Variants in DAB1 observed in about 807,000 individuals in gnomAD.
DAB1 encodes disabled homolog 1.
Under a neutral mutation model 64.6 loss-of-function variants are expected in DAB1, and 15 were observed. That is an observed-to-expected ratio of 0.23 (90% CI 0.16 to 0.36). The LOEUF is 0.36. Among genes scored for constraint, DAB1 ranks in the 10% least tolerant of loss-of-function variants. The pLI, the probability that DAB1 is intolerant of heterozygous loss-of-function variation, is 1.00. For synonymous variants in DAB1, 235 were observed against 251.9 expected (o/e 0.93, Z 0.64); for missense variants, 596 against 706.7 (o/e 0.84, Z 1.78).
rs772160960 is a variant in DAB1 at position 57,071,660 on chromosome 1, A to T, written c.439-19T>A. 2 of 1,611,454 alleles carry T rather than the reference A, an allele frequency of 1.2e-6. No individual in the cohort carries two copies. The highest frequency in any genetic ancestry group is 1.7e-6 in the Non-Finnish European group (2 of 1,179,594). ...GTTCAGCCTGGGATGAAAGGTAGTAAGGCACATCATAAGGGAATGGTACTG... is the reference window on the plus strand; with the variant it reads ...GTTCAGCCTGGGATGAAAGGTAGTATGGCACATCATAAGGGAATGGTACTG... On this transcript the variant is annotated intron_variant, in intron 5 of 14. Transcript: ENST00000371236.
chr1:58,457,421 C>T (rs1645202681), intron 3 of DAB1, among the ~76,000 whole-genome samples: 2 of 152,300 alleles, frequency 1.3e-5, no homozygotes, highest in South Asian at 4.1e-4. Context: ...ACAATAGCTC[C>T]AGCTCAGTGA....
At chr1:57,691,986 G>T (rs1646770247) in intron 6 of DAB1, among the ~76,000 whole-genome samples, 1 of 152,080 alleles carries the variant, frequency 6.6e-6, no homozygotes, top group South Asian at 2.1e-4. Context: ...ACTCTTCGGA[G>T]TTGGGAGCAT....
chr1:57,989,055 T>G (rs951301639), intron 5 of DAB1, among the ~76,000 whole-genome samples: 2 of 152,164 alleles, frequency 1.3e-5, no homozygotes, highest in Non-Finnish European at 2.9e-5. Context: ...TGAAGTCAAG[T>G]GGGCCTGGGC....
intron 14 of DAB1, among the ~76,000 whole-genome samples, chr1:57,009,740 G>A (rs574130479): frequency 7.0e-4 from 107 of 152,350 alleles, no homozygotes; most frequent in Non-Finnish European, 1.3e-3. Context: ...AGTGACCTTA[G>A]AAATCATGTC....
At chr1:58,275,109 G>A (rs576765780) in intron 4 of DAB1, among the ~76,000 whole-genome samples, 3 of 152,212 alleles carry the variant, frequency 2.0e-5, no homozygotes, top group East Asian at 3.9e-4. Flanking sequence ...CAATGATGCT[G>A]GGAAAATTGG....
Position 57,666,950 on chromosome 1 carries a change from G to A in DAB1, n.552-17285C>T, listed in dbSNP as rs145495688. On this transcript the variant is annotated intron_variant and non_coding_transcript_variant, in intron 6 of 20. Transcript: ENST00000485760. Reference sequence around the variant, plus strand: ...GGCTTATGCCATTGTTTTCCATCATGGCTAGAAAACGCCTACCTTGATCCA... The same window carrying A: ...GGCTTATGCCATTGTTTTCCATCATAGCTAGAAAACGCCTACCTTGATCCA... 5.5e-3 allele frequency among the ~76,000 whole-genome samples: 833 copies of A among 152,070 alleles called. 11 individuals are homozygous for A. The highest frequency in any genetic ancestry group is 0.016 in the Admixed American group (249 of 15,268).
intron 3 of DAB1, among the ~76,000 whole-genome samples, chr1:58,392,820 C>A (rs1644487161): frequency 6.6e-6 from 1 of 152,218 alleles, no homozygotes; most frequent in Non-Finnish European, 1.5e-5. Flanking sequence ...GGCTCACCTT[C>A]TGTATAGCAT....
intron 5 of DAB1, among the ~76,000 whole-genome samples, chr1:57,980,323 A>G (rs1646033815): frequency 1.3e-5 from 2 of 152,028 alleles, no homozygotes; most frequent in African/African-American, 4.8e-5. Flanking sequence ...CTTCTCATCA[A>G]TTGAAATTCT....
chr1:57,617,824 G>A (rs1305855934), intron 7 of DAB1, among the ~76,000 whole-genome samples: 1 of 152,134 alleles, frequency 6.6e-6, no homozygotes, highest in African/African-American at 2.4e-5. Context: ...ACATTCTCCT[G>A]CCATAAAAGA....
intron 6 of DAB1, among the ~76,000 whole-genome samples, chr1:57,686,668 A>T (rs1284534391): frequency 6.6e-6 from 1 of 152,190 alleles, no homozygotes; most frequent in Non-Finnish European, 1.5e-5. Context: ...TATACTAGCA[A>T]ACTGCATCCA....
chr1:57,909,863 A>C (rs1644614223), intron 5 of DAB1, among the ~76,000 whole-genome samples: 1 of 152,222 alleles, frequency 6.6e-6, no homozygotes, highest in Non-Finnish European at 1.5e-5. Context: ...CTCAGACTGA[A>C]GGTCCGGGTC....
intron 2 of DAB1, among the ~76,000 whole-genome samples, chr1:57,171,504 A>T (rs1218803616): frequency 7.6e-6 from 1 of 132,208 alleles, no homozygotes; most frequent in Non-Finnish European, 1.8e-5. Context: ...GGACACTTTA[A>T]ATAATGTTGT....
At chr1:58,355,814 G>A (rs1644105522) in intron 3 of DAB1, among the ~76,000 whole-genome samples, 1 of 152,192 alleles carries the variant, frequency 6.6e-6, no homozygotes, top group Non-Finnish European at 1.5e-5. Flanking sequence ...AAGAAAGCAA[G>A]TAATGCCTCT....
intron 3 of DAB1, among the ~76,000 whole-genome samples, chr1:58,466,878 A>G (rs1226236420): frequency 6.6e-6 from 1 of 152,198 alleles, no homozygotes; most frequent in African/African-American, 2.4e-5. Context: ...GGTGGGTGTC[A>G]GTCTGAGCCA....
intron 1 of DAB1, among the ~76,000 whole-genome samples, chr1:57,332,965 T>A (rs970115721): frequency 1.3e-5 from 2 of 152,206 alleles, no homozygotes; most frequent in African/African-American, 4.8e-5. Flanking sequence ...TGCTGTCTTA[T>A]CTGTTGAAAC....
intron 3 of DAB1, among the ~76,000 whole-genome samples, chr1:58,397,027 T>C (rs1274927118): frequency 1.3e-5 from 2 of 148,292 alleles, no homozygotes; most frequent in African/African-American, 5.0e-5. Flanking sequence ...ATCGCACTAC[T>C]GCACTCTAGC....
At chr1:58,371,006 G>T (rs2100534840) in intron 3 of DAB1, among the ~76,000 whole-genome samples, 1 of 152,310 alleles carries the variant, frequency 6.6e-6, no homozygotes, top group Non-Finnish European at 1.5e-5. Flanking sequence ...GTGGGTCATT[G>T]CTATAACATA....
At chr1:57,615,321 C>T (rs1645779318) in intron 7 of DAB1, among the ~76,000 whole-genome samples, 1 of 152,146 alleles carries the variant, frequency 6.6e-6, no homozygotes, top group Non-Finnish European at 1.5e-5. Context: ...TTTCTTGAAG[C>T]TTTCTTCAAC....
intron 7 of DAB1, among the ~76,000 whole-genome samples, chr1:57,455,604 A>C (rs1457534779): frequency 2.6e-5 from 4 of 152,110 alleles, no homozygotes; most frequent in Non-Finnish European, 4.4e-5. Context: ...CAGTGTTAAT[A>C]AGCAGGCAAG....
Sources: gnomAD v4.1 joint callset for allele counts (sites outside exome capture counted in the v4.1 genomes callset) on GRCh38, gnomAD v4.1.1 for gene constraint, MANE v1.5 for transcripts, NCBI Gene and HGNC (gene_info 2026-07-23, HGNC 2026-07-21) for gene names.